Variants in PLXNB1 observed in about 807,000 individuals in gnomAD.
PLXNB1 encodes plexin B1, also known as plexin-B1.
A neutral mutation model predicts 209.4 loss-of-function variants in PLXNB1; 106 were observed. The observed-to-expected ratio is 0.51, with a 90% CI of 0.43 to 0.59. The LOEUF (loss-of-function observed/expected upper bound fraction) is 0.59, where lower values mean the gene tolerates loss of function less well. PLXNB1 is among the 20% of genes least tolerant of loss of function. The pLI is 0.00. For missense variants in PLXNB1, 2,357 were observed against 2,853.2 expected (o/e 0.83, Z 3.96); for synonymous variants, 1,167 against 1,183.2 (o/e 0.99, Z 0.28).
rs1471933793 is a variant in PLXNB1 at position 48,412,444 on chromosome 3, G to A, written c.5031C>T (p.Arg1677=). ...YVAKNPKLML[R]RTETVVEKLL... The stretch of plus-strand genomic sequence containing the variant: ...CCAGCCCCAACAGCCACACAGACCT[G>A]CGCAGCATCAGCTTGGGGTTCTTGG... Residue 1677 remains arginine (R), a splice_region_variant and synonymous_variant, in exon 26 of 38, where the codon CGC becomes CGT. Transcript: ENST00000296440. 7 of 1,613,492 alleles carry A rather than the reference G, an allele frequency of 4.3e-6. No homozygotes were observed. The highest frequency in any genetic ancestry group is 5.9e-6 in the Non-Finnish European group (7 of 1,179,988).
chr3:48,406,848 T>G lies in PLXNB1; in HGVS notation c.6203A>C (p.Asn2068Thr), dbSNP rs767898942. 5.6e-6 allele frequency: 9 copies of G among 1,611,970 alleles called. No homozygotes were observed. Among genetic ancestry groups the G allele is most frequent in the Non-Finnish European group, 7.6e-6 (9 of 1,179,086 alleles). The change falls in exon 36 of 38, where the codon AAC becomes ACC. Residue 2068 changes from asparagine (N) to threonine (T), a missense_variant. Around this residue, in one of 7 missense-constraint regions of PLXNB1, gnomAD observed 414 missense variants for 520.5 expected, o/e 0.80. Transcript: ENST00000296440. The surrounding 1 kb of genome is among the most constrained non-coding windows in gnomAD (Gnocchi z 4.4). Reference sequence around the variant, plus strand: ...CCAGGACAGTTCAGCCAGGACAGAGTTCATCTCTTGGTCGCTGGCTGGGAC... The same window carrying G: ...CCAGGACAGTTCAGCCAGGACAGAGGTCATCTCTTGGTCGCTGGCTGGGAC... ...QTVPASDQEMNSVLAELSWNY... is the reference protein window; with the variant it reads ...QTVPASDQEMTSVLAELSWNY...
Position 48,410,038 on chromosome 3 carries a change from C to T in PLXNB1, c.5645G>A (p.Arg1882Gln), listed in dbSNP as rs2037566134. Residue 1882 changes from arginine (R) to glutamine (Q), a missense_variant, in exon 32 of 38, where the codon CGG (arginine) becomes CAG (glutamine). By Grantham distance (43) the Arg-to-Gln change is conservative. Transcript: ENST00000296440. This position sits in a 1 kb window ranked among gnomAD's most constrained non-coding sequence, Gnocchi z 6.4. ...MLEDVDEGGI[R>Q]PWHLVKPSDE... is the part of the protein sequence containing the mutation. ...ACTTGGCTTCACCAGGTGCCAGGGC[C>T]GGATGCCCCCCTCATCTACATCCTC... The T allele has an allele frequency of 5.0e-6, 8 of 1,608,850 alleles. No individual in the cohort carries two copies. Among genetic ancestry groups the T allele is most frequent in the African/African-American group, 1.3e-5 (1 of 74,812 alleles).
At position 48,416,263 on chromosome 3, in the gene PLXNB1, C is replaced by A. The variant is rs1229091663; in HGVS notation, c.3480+83G>T. ...GGCTGGCCCAGGACTGGGAGCCCCA[C>A]CAAGGAATAACCAGATGGGTTGAGA... On this transcript the variant is annotated intron_variant, in intron 17 of 37. Transcript: ENST00000296440. This position sits in a 1 kb window ranked among gnomAD's most constrained non-coding sequence, Gnocchi z 4.1. 6.4e-7 allele frequency: 1 copy of A among 1,553,240 alleles called. No individual in the cohort carries two copies. Among genetic ancestry groups the A allele is most frequent in the African/African-American group, 1.4e-5 (1 of 73,746 alleles).
In PLXNB1 at chr3:48,413,697, C is replaced by T; in HGVS notation, c.4508G>A (p.Gly1503Asp). 1 of 1,613,536 alleles carries T rather than the reference C, an allele frequency of 6.2e-7. No individual in the cohort carries two copies. The highest frequency in any genetic ancestry group is 8.5e-7 in the Non-Finnish European group (1 of 1,179,922). The change falls in exon 23 of 38, where the codon GGT becomes GAT. Residue 1503 changes from glycine to aspartate, a missense_variant. Physicochemically the swap from Gly to Asp is moderately conservative, Grantham distance 94. This residue lies in a region of PLXNB1 where 743 missense variants were observed against 896.2 expected (regional missense o/e 0.83). Transcript: ENST00000296440. The surrounding 1 kb of genome is among the most constrained non-coding windows in gnomAD (Gnocchi z 5.4). The part of the protein sequence containing the change: ...LGVGTSLLAL[G>D]VIIIVLMYRR... ...GTACATGAGGACAATGATGATGACA[C>T]CCAGAGCCAGAAGAGAGGTGCCCAC...
At position 48,422,460 on chromosome 3, in the gene PLXNB1, C is replaced by G; in HGVS notation, c.1291-1G>C. On this transcript the variant is annotated splice_acceptor_variant, in intron 4 of 37. Coordinates refer to ENST00000296440, the MANE Select transcript of PLXNB1 (RefSeq NM_001130082.3). LOFTEE classifies it high-confidence loss of function. ...CATCGCTCCCTGGGCCCAAGTAGAC[C>G]TGGGATCAGAGACCACAGGGTCTGG... 6.3e-7 allele frequency: 1 copy of G among 1,581,572 alleles called. No individual in the cohort carries two copies. The highest frequency in any genetic ancestry group is 8.6e-7 in the Non-Finnish European group (1 of 1,164,956).
In PLXNB1 at chr3:48,419,421, C is replaced by G; in HGVS notation, c.2710-55G>C. 2.0e-6 allele frequency: 3 copies of G among 1,519,762 alleles called. No homozygotes were observed. In the Admixed American group the frequency reaches 6.3e-5, roughly 32 times the overall value. 94.1% of individuals were successfully genotyped at this position (1,519,762 alleles called of 1,614,324 possible). Reference sequence around the variant, plus strand: ...GGAGCCCACCCTGCCCAGCTCAGCCCTCTGCCTTGCCAGATTCCAGAGGCA... The same window carrying G: ...GGAGCCCACCCTGCCCAGCTCAGCCGTCTGCCTTGCCAGATTCCAGAGGCA... On this transcript the variant is annotated intron_variant, in intron 11 of 37. Coordinates refer to ENST00000296440, the MANE Select transcript of PLXNB1 (RefSeq NM_001130082.3). This position sits in a 1 kb window ranked among gnomAD's most constrained non-coding sequence, Gnocchi z 5.7.
At position 48,418,566 on chromosome 3, in the gene PLXNB1, G is replaced by A. The variant is rs371613868; in HGVS notation, c.2956-24C>T. The A allele has an allele frequency of 5.1e-6, 8 of 1,562,136 alleles. No individual in the cohort carries two copies. The African/African-American group carries it at 1.1e-4, about 21-fold the overall frequency. ...AGCTGGAGAAATGGGAGTGGGTTCA[G>A]AGTCAAGCACTGGGGGAAGTGTCAG... On this transcript the variant is annotated intron_variant, in intron 13 of 37. Coordinates refer to ENST00000296440, the MANE Select transcript of PLXNB1 (RefSeq NM_001130082.3). This position sits in a 1 kb window ranked among gnomAD's most constrained non-coding sequence, Gnocchi z 6.6.
At chr3:48,426,849 G>T (rs1488656358) in intron 1 of PLXNB1, among the ~76,000 whole-genome samples, 1 of 152,182 alleles carries the variant, frequency 6.6e-6, no homozygotes, top group African/African-American at 2.4e-5. Flanking sequence ...GCAAGACCAG[G>T]CTGCCCAAGA....
In PLXNB1 at chr3:48,413,976, C is replaced by T. The variant is rs2037886588; in HGVS notation, c.4305G>A (p.Leu1435=). The change falls in exon 22 of 38, where the codon CTG becomes CTA. Residue 1435 remains leucine (L), a synonymous_variant. Transcript: ENST00000296440. This position sits in a 1 kb window ranked among gnomAD's most constrained non-coding sequence, Gnocchi z 5.4. ...CVVKTLTRHH[L]YCEPPVEQPL... ...GCTGCTCCACGGGGGGCTCGCAGTA[C>T]AGGTGGTGCCGCGTCAGCGTCTTCA... The T allele has an allele frequency of 1.9e-6, 3 of 1,613,540 alleles. No homozygotes were observed. The highest frequency in any genetic ancestry group is 2.5e-6 in the Non-Finnish European group (3 of 1,179,974).
In PLXNB1 at chr3:48,429,784, C is replaced by A. The variant is rs947704135; in HGVS notation, c.-60+224G>T. 6.6e-6 allele frequency among the ~76,000 whole-genome samples: 1 copy of A among 152,102 alleles called. No homozygotes were observed. The highest frequency in any genetic ancestry group is 1.5e-5 in the Non-Finnish European group (1 of 67,988). The stretch of plus-strand genomic sequence containing the variant: ...GCCTCCTTGGAACCGGAACTGGGAA[C>A]TTTCCTGGTTGCCAGGAGCCGAGGC... On this transcript the variant is annotated intron_variant, in intron 1 of 37. Transcript: ENST00000296440. This position sits in a 1 kb window ranked among gnomAD's most constrained non-coding sequence, Gnocchi z 6.4.
Position 48,413,775 on chromosome 3 carries a change from T to C in PLXNB1, c.4430A>G (p.Tyr1477Cys), listed in dbSNP as rs1015751591. ...NLRFSLGHVQ[Y>C]DGESPGAFPV... is the part of the protein sequence containing the mutation. ...AAAAGCCCCAGGGCTCTCGCCGTCA[T>C]ACTGCACGTGACCCAGGGAGAAGCG... Residue 1477 changes from tyrosine (Y) to cysteine (C), a missense_variant, in exon 23 of 38, where the codon TAT becomes TGT. Tyr to Cys is a radical substitution (Grantham distance 194). This residue lies in a region of PLXNB1 where 743 missense variants were observed against 896.2 expected (regional missense o/e 0.83). Coordinates refer to ENST00000296440, the MANE Select transcript of PLXNB1 (RefSeq NM_001130082.3). This position sits in a 1 kb window ranked among gnomAD's most constrained non-coding sequence, Gnocchi z 5.4. The C allele has an allele frequency of 1.2e-5, 20 of 1,613,758 alleles. No individual in the cohort carries two copies. Among genetic ancestry groups the C allele is most frequent in the Non-Finnish European group, 1.6e-5 (19 of 1,180,028 alleles).
Position 48,410,985 on chromosome 3 carries a change from C to A in PLXNB1, c.5299G>T (p.Val1767Leu). Residue 1767 changes from valine (V) to leucine (L), a missense_variant, in exon 29 of 38, where the codon GTG (valine) becomes TTG (leucine). Val to Leu is a conservative substitution (Grantham distance 32, BLOSUM62 1). Transcript: ENST00000296440. This position sits in a 1 kb window ranked among gnomAD's most constrained non-coding sequence, Gnocchi z 6.4. Reference protein sequence around the residue: ...VGPGAGEAQGVPVKVLDCDTI... With the variant: ...VGPGAGEAQGLPVKVLDCDTI... ...TCACAGTCTAGGACCTTCACGGGCA[C>A]GCCCTGGGCCTCTCCTGCCCCAGGC... 2 of 1,613,794 alleles carry A rather than the reference C, an allele frequency of 1.2e-6. No homozygotes were observed. Among genetic ancestry groups the A allele is most frequent in the South Asian group, 2.2e-5 (2 of 91,076 alleles).
Position 48,420,054 on chromosome 3 carries a change from G to A in PLXNB1, c.2232C>T (p.Ser744=). 6.2e-7 allele frequency: 1 copy of A among 1,612,698 alleles called. No individual in the cohort carries two copies. The highest frequency in any genetic ancestry group is 8.5e-7 in the Non-Finnish European group (1 of 1,179,346). The stretch of plus-strand genomic sequence containing the variant: ...ACCCTGTGGAGCCAGGGGAAGATAT[G>A]GAGCCAGAACCTGCCCATGGCCCCC... ...SPWGPWAGSG[S]ISSPGSTGSP... Residue 744 remains serine (S), a synonymous_variant, in exon 11 of 38, where the codon TCC becomes TCT. Coordinates refer to ENST00000296440, the MANE Select transcript of PLXNB1 (RefSeq NM_001130082.3).
Position 48,417,706 on chromosome 3 carries a change from C to A in PLXNB1, c.3374+205G>T, listed in dbSNP as rs764409010. Among the ~76,000 whole-genome samples the A allele has an allele frequency of 1.3e-5, 2 of 152,152 alleles. No homozygotes were observed. The highest frequency in any genetic ancestry group is 1.3e-4 in the Admixed American group (2 of 15,284). ...GGCAGTGACGGGCCCAGGAAGGATT[C>A]CCCAGCAGCCCAGGCCAGGAACCTA... is the stretch of plus-strand genomic sequence containing the variant. On this transcript the variant is annotated intron_variant, in intron 16 of 37. Transcript: ENST00000296440. The surrounding 1 kb of genome is among the most constrained non-coding windows in gnomAD (Gnocchi z 4.4).
chr3:48,421,160 C>G (rs1350304993), intron 8 of PLXNB1, 68 bp downstream of exon 8: 1 of 1,553,900 alleles, frequency 6.4e-7, no homozygotes, highest in Admixed American at 1.9e-5. Context: ...TGGATTCACA[C>G]TTTAACCCCA....
intron 21 of PLXNB1, among the ~76,000 whole-genome samples, chr3:48,414,590 G>A (rs765879357): frequency 7.2e-5 from 11 of 152,290 alleles, no homozygotes; most frequent in Admixed American, 3.3e-4. Context: ...ATCAGGACCC[G>A]GGCCACCAGC....
intron 10 of PLXNB1, 102 bp downstream of exon 10, chr3:48,420,563 G>C (rs2038441324): frequency 1.1e-6 from 1 of 930,872 alleles, no homozygotes. Context: ...TGGTGCTCAG[G>C]ACAGAGCCTC....
intron 21 of PLXNB1, 143 bp downstream of exon 21, chr3:48,414,656 T>A: frequency 6.8e-6 from 7 of 1,036,610 alleles, no homozygotes; most frequent in Non-Finnish European, 8.4e-6. Context: ...CAGCCCCCTC[T>A]GCCCCCACCA....
Position 48,416,566 on chromosome 3 carries a change from A to C in PLXNB1, c.3375-115T>G, listed in dbSNP as rs772160622. Reference sequence around the variant, plus strand: ...GGTGGTCTTCCCCTTCCCATGCTCCATAAGATTGACAGAGACCCTCTCTCA... The same window carrying C: ...GGTGGTCTTCCCCTTCCCATGCTCCCTAAGATTGACAGAGACCCTCTCTCA... On this transcript the variant is annotated intron_variant, in intron 16 of 37. Coordinates refer to ENST00000296440, the MANE Select transcript of PLXNB1 (RefSeq NM_001130082.3). The surrounding 1 kb of genome is among the most constrained non-coding windows in gnomAD (Gnocchi z 4.1). 1.6e-6 allele frequency: 1 copy of C among 624,982 alleles called. No homozygotes were observed. Among genetic ancestry groups the C allele is most frequent in the Middle Eastern group, 3.7e-4 (1 of 2,734 alleles). 38.7% of individuals were successfully genotyped at this position (624,982 alleles called of 1,614,324 possible). A position where few individuals can be genotyped will look rare whatever the true frequency, so the allele number is the denominator to read the frequency against.
Sources: gnomAD v4.1 joint callset for allele counts (sites outside exome capture counted in the v4.1 genomes callset) on GRCh38, gnomAD v4.1.1 for gene constraint, gnomAD v4.1.1 regional missense constraint, Gnocchi (gnomAD v3.1) non-coding constraint, MANE v1.5 for transcripts, NCBI Gene and HGNC (gene_info 2026-07-23, HGNC 2026-07-21) for gene names.